Variants in AP1M1 observed in about 807,000 individuals in gnomAD.
AP1M1 encodes AP-1 complex subunit mu-1.
Under a neutral mutation model 57.1 loss-of-function variants are expected in AP1M1, and 18 were observed. The observed-to-expected ratio is 0.32, with a 90% confidence interval of 0.22 to 0.47. AP1M1 has a LOEUF of 0.47. Among genes scored for constraint, AP1M1 ranks in the 20% least tolerant of loss-of-function variants. The pLI is 1.00. For synonymous variants in AP1M1, 241 were observed against 237.9 expected, an observed-to-expected ratio of 1.01 and a Z score of -0.12; for missense variants, 362 against 593.5, an observed-to-expected ratio of 0.61 and a Z score of 4.05.
rs1338834793 is a variant in AP1M1, at chr19:16,239,993, A to C, written c.*5558A>C. On this transcript the variant is annotated 3_prime_UTR_variant, in exon 12 of 12. Coordinates refer to ENST00000291439, the MANE Select transcript of AP1M1 (RefSeq NM_032493.4). ...ACCAAGAGTGAGTTGAAAATATTTGAAAAACAATTGTGTCTGTGCTGGACA... is the reference window on the plus strand; with the variant it reads ...ACCAAGAGTGAGTTGAAAATATTTGCAAAACAATTGTGTCTGTGCTGGACA... The C allele has an allele frequency of 6.6e-6, 1 of 152,124 alleles. No homozygotes were observed. Among genetic ancestry groups the C allele is most frequent in the African/African-American group, 2.4e-5 (1 of 41,418 alleles). 9.4% of individuals were successfully genotyped at this position (152,124 alleles called of 1,614,324 possible). A position where few individuals can be genotyped will look rare whatever the true frequency, so the allele number is the denominator to read the frequency against.
intron 1 of AP1M1, among the ~76,000 whole-genome samples, chr19:16,201,983 C>A (rs891143975): frequency 6.6e-5 from 10 of 152,066 alleles, no homozygotes; most frequent in Admixed American, 5.2e-4. Context: ...GGGGAGAGAC[C>A]CCGTCTGGCT....
chr19:16,202,145 G>T (rs2091451162), intron 1 of AP1M1, among the ~76,000 whole-genome samples: 1 of 152,178 alleles, frequency 6.6e-6, no homozygotes, highest in Non-Finnish European at 1.5e-5. Context: ...GGAAAGGAAG[G>T]TGCCACCCCG....
At position 16,203,214 on chromosome 19, in the gene AP1M1, C is replaced by T. The variant is rs973725756; in HGVS notation, c.43-245C>T. ...CCTGGACCTTTGCTGCAGAGTTCGC[C>T]TCTACCCTCACCCTGCGAAGAACTG... On this transcript the variant is annotated intron_variant, in intron 1 of 11. Transcript: ENST00000291439. The surrounding 1 kb of genome is among the most constrained non-coding windows in gnomAD (Gnocchi z 4.6). 12 of 544,074 alleles carry T rather than the reference C, an allele frequency of 2.2e-5. No homozygotes were observed. Among genetic ancestry groups the T allele is most frequent in the East Asian group, 1.9e-4 (6 of 30,974 alleles). The allele number at this position is 544,074 out of a possible 1,614,324, so 33.7% of individuals were successfully genotyped here.
chr19:16,202,866 C>G (rs1047401099), intron 1 of AP1M1: 1 of 154,094 alleles, frequency 6.5e-6, no homozygotes, highest in African/African-American at 2.4e-5. Context: ...ATGACTGGAT[C>G]GTATGGTAAC....
rs1486608555 is a variant in AP1M1, at chr19:16,237,110, A to G, written c.*2675A>G. 6.6e-6 allele frequency: 1 copy of G among 152,254 alleles called. No homozygotes were observed. Among genetic ancestry groups the G allele is most frequent in the Non-Finnish European group, 1.5e-5 (1 of 68,046 alleles). 9.4% of individuals were successfully genotyped at this position (152,254 alleles called of 1,614,324 possible). On this transcript the variant is annotated 3_prime_UTR_variant, in exon 12 of 12. Coordinates refer to ENST00000291439, the MANE Select transcript of AP1M1 (RefSeq NM_032493.4). ...ACCTAACAAAATGGGCTGTGTGTGA[A>G]CAGACAGTATGAAGAAGATGAAATA...
At position 16,198,203 on chromosome 19, in the gene AP1M1, C is replaced by A. The variant is rs1296868104; in HGVS notation, c.42+135C>A. 1.4e-5 allele frequency: 12 copies of A among 863,028 alleles called. No individual in the cohort carries two copies. In the East Asian group the frequency reaches 3.4e-4, roughly 24 times the overall value. 53.5% of individuals were successfully genotyped at this position (863,028 alleles called of 1,614,324 possible). On this transcript the variant is annotated intron_variant, in intron 1 of 11. Transcript: ENST00000291439. ...GAGGCAGAGAGGCCGGTAGACCTCA[C>A]CTGAGAGCCCCATCCTGTTTCTGGG...
intron 5 of AP1M1, among the ~76,000 whole-genome samples, chr19:16,223,250 C>T (rs1030100486): frequency 6.6e-6 from 1 of 152,186 alleles, no homozygotes; most frequent in African/African-American, 2.4e-5. Flanking sequence ...GCGTGCACTG[C>T]CCAGTGGTCA....
Position 16,233,506 on chromosome 19 carries a change from A to G in AP1M1, c.1061A>G (p.Tyr354Cys), listed in dbSNP as rs2091607869. 6.2e-7 allele frequency: 1 copy of G among 1,604,068 alleles called. No individual in the cohort carries two copies. The highest frequency in any genetic ancestry group is 1.3e-5 in the African/African-American group (1 of 74,842). Residue 354 changes from tyrosine to cysteine, a missense_variant, in exon 10 of 12, where the codon TAC becomes TGC. Physicochemically the swap from Tyr to Cys is radical, Grantham distance 194. Coordinates refer to ENST00000291439, the MANE Select transcript of AP1M1 (RefSeq NM_032493.4). The part of the protein sequence containing the change: ...SIKSFPGGKE[Y>C]LMRAHFGLPS... Reference sequence around the variant, plus strand: ...TCTGCTCCCCAGGGCGGCAAGGAGTACCTGATGCGGGCCCACTTCGGCCTG... The same window carrying G: ...TCTGCTCCCCAGGGCGGCAAGGAGTGCCTGATGCGGGCCCACTTCGGCCTG...
Position 16,206,574 on chromosome 19 carries a change from G to A in AP1M1, c.267+166G>A, listed in dbSNP as rs2091470396. ...AGGGGAGTCCCAACTCCCCACGCCT[G>A]TGGAATTCTATAGCTCACGTTGCTC... On this transcript the variant is annotated intron_variant, in intron 3 of 11. Transcript: ENST00000291439. The surrounding 1 kb of genome is among the most constrained non-coding windows in gnomAD (Gnocchi z 4.3). 1.4e-6 allele frequency: 1 copy of A among 696,884 alleles called. No individual in the cohort carries two copies. The highest frequency in any genetic ancestry group is 1.7e-5 in the South Asian group (1 of 58,242). 43.2% of individuals were successfully genotyped at this position (696,884 alleles called of 1,614,324 possible).
rs1482476657 is a variant in AP1M1, at chr19:16,236,979, T to A, written c.*2544T>A. 3 of 152,182 alleles carry A rather than the reference T, an allele frequency of 2.0e-5. No individual in the cohort carries two copies. The allele number at this position is 152,182 out of a possible 1,614,324, so 9.4% of individuals were successfully genotyped here. A position where few individuals can be genotyped will look rare whatever the true frequency, so the allele number is the denominator to read the frequency against. On this transcript the variant is annotated 3_prime_UTR_variant, in exon 12 of 12. Transcript: ENST00000291439. Reference sequence around the variant, plus strand: ...TGCAAGTGCCTAAAGGCACAGAGACTCTGAATAGAAAAGAGCAAAATGCTG... The same window carrying A: ...TGCAAGTGCCTAAAGGCACAGAGACACTGAATAGAAAAGAGCAAAATGCTG...
In AP1M1 at chr19:16,243,432, C is replaced by CTTTTTTTTTT. The variant is rs550578052; in HGVS notation, c.*8998_*8999insTTTTTTTTTT. On this transcript the variant is annotated 3_prime_UTR_variant, in exon 12 of 12. Transcript: ENST00000291439. ...TACAGGTGAGCACCACCAAGCTCAGCTATTTTTTTTTTTTTTTTGTATTTT... is the reference window on the plus strand; with the variant it reads ...TACAGGTGAGCACCACCAAGCTCAGCTTTTTTTTTTTATTTTTTTTTTTTTTTTGTATTTT... The CTTTTTTTTTT allele has an allele frequency of 2.4e-5, 3 of 124,266 alleles. No individual in the cohort carries two copies. Among genetic ancestry groups the CTTTTTTTTTT allele is most frequent in the Admixed American group, 8.3e-5 (1 of 11,984 alleles). The allele number at this position is 124,266 out of a possible 1,614,324, so 7.7% of individuals were successfully genotyped here.
intron 1 of AP1M1, among the ~76,000 whole-genome samples, chr19:16,200,809 T>TG (rs1327548218): frequency 6.6e-6 from 1 of 152,212 alleles, no homozygotes; most frequent in Non-Finnish European, 1.5e-5. Flanking sequence ...GGCTGCGCTC[T>TG]GGGGGGTTTC....
At chr19:16,201,127 C>A (rs537105454) in intron 1 of AP1M1, among the ~76,000 whole-genome samples, 2 of 152,168 alleles carry the variant, frequency 1.3e-5, no homozygotes, top group Non-Finnish European at 2.9e-5. Context: ...GAGACCTGGA[C>A]GTTATCCTCG....
chr19:16,242,711 G>A lies in AP1M1; in HGVS notation c.*8276G>A, dbSNP rs2091649751. The A allele has an allele frequency of 6.6e-6, 1 of 152,138 alleles. No homozygotes were observed. Among genetic ancestry groups the A allele is most frequent in the African/African-American group, 2.4e-5 (1 of 41,426 alleles). The allele number at this position is 152,138 out of a possible 1,614,324, so 9.4% of individuals were successfully genotyped here. A position where few individuals can be genotyped will look rare whatever the true frequency, so the allele number is the denominator to read the frequency against. On this transcript the variant is annotated 3_prime_UTR_variant, in exon 12 of 12. Coordinates refer to ENST00000291439, the MANE Select transcript of AP1M1 (RefSeq NM_032493.4). ...AAGATGCCAAAAGAAATCTCATATG[G>A]TTATATTAATTCCAGACAGAATAGA...
Position 16,216,273 on chromosome 19 carries a change from A to G in AP1M1, c.546+7096A>G, listed in dbSNP as rs542604232. Among the ~76,000 whole-genome samples, 635 of 152,186 alleles carry G rather than the reference A, an allele frequency of 4.2e-3. 4 individuals are homozygous for G. Among genetic ancestry groups the G allele is most frequent in the African/African-American group, 0.015 (606 of 41,534 alleles). The stretch of plus-strand genomic sequence containing the variant: ...ATCCTGGTGAACACAGTGAAACCCC[A>G]TCTCTACTAAAAATACAAAAAATTA... On this transcript the variant is annotated intron_variant, in intron 5 of 11. Coordinates refer to ENST00000291439, the MANE Select transcript of AP1M1 (RefSeq NM_032493.4).
At position 16,239,723 on chromosome 19, in the gene AP1M1, C is replaced by A. The variant is rs2091638447; in HGVS notation, c.*5288C>A. 1 of 151,704 alleles carries A rather than the reference C, an allele frequency of 6.6e-6. No individual in the cohort carries two copies. 9.4% of individuals were successfully genotyped at this position (151,704 alleles called of 1,614,324 possible). Reference sequence around the variant, plus strand: ...TCGCTTGAACCCGGGAGATGGCGCTCGCAGTGAGTCAAGATGGCACCGTTG... The same window carrying A: ...TCGCTTGAACCCGGGAGATGGCGCTAGCAGTGAGTCAAGATGGCACCGTTG... On this transcript the variant is annotated 3_prime_UTR_variant, in exon 12 of 12. Transcript: ENST00000291439.
At chr19:16,225,652 C>T (rs934049929) in intron 5 of AP1M1, among the ~76,000 whole-genome samples, 1 of 152,198 alleles carries the variant, frequency 6.6e-6, no homozygotes, top group African/African-American at 2.4e-5. Context: ...AGTCCCTGCC[C>T]CAGAGGTTGT....
In AP1M1 at chr19:16,233,609, C is replaced by G. The variant is rs149333439; in HGVS notation, c.1164C>G (p.Ser388=). 2.5e-6 allele frequency: 4 copies of G among 1,610,890 alleles called. No homozygotes were observed. ...TCGAGATCCCTTACTTCACTACCTC[C>G]GGCATCCAGGTACGTAAGGCCCAGG... ...VKFEIPYFTT[S]GIQVRYLKII... is the part of the protein sequence containing the mutation. The change falls in exon 10 of 12, where the codon TCC becomes TCG. Residue 388 remains serine (S), a synonymous_variant. Transcript: ENST00000291439.
intron 5 of AP1M1, among the ~76,000 whole-genome samples, chr19:16,214,008 A>C (rs1353068146): frequency 6.7e-6 from 1 of 149,330 alleles, no homozygotes; most frequent in Admixed American, 6.7e-5. Context: ...GTGTACTTAA[A>C]TGTGTTTTTG....
Sources: gnomAD v4.1 joint callset for allele counts (sites outside exome capture counted in the v4.1 genomes callset) on GRCh38, gnomAD v4.1.1 for gene constraint, Gnocchi (gnomAD v3.1) non-coding constraint, MANE v1.5 for transcripts, NCBI Gene and HGNC (gene_info 2026-07-23, HGNC 2026-07-21) for gene names.